Variants in TGM4 observed in about 807,000 individuals in gnomAD.
TGM4 encodes transglutaminase 4, also known as protein-glutamine gamma-glutamyltransferase 4.
TGM4 carries 61 observed loss-of-function variants against 76.3 expected under a neutral mutation model. The observed-to-expected ratio is 0.80, with a 90% CI of 0.65 to 0.99. TGM4 has a LOEUF of 0.99. TGM4 is among the 50% of genes least tolerant of loss of function. The pLI, the probability that TGM4 is intolerant of heterozygous loss-of-function variation, is 0.00. For synonymous variants in TGM4, 337 were observed against 329.8 expected (o/e 1.02, Z -0.24); for missense variants, 794 against 843.2 (o/e 0.94, Z 0.72).
intron 10 of TGM4, 145 bp from the exon 11 acceptor site, chr3:44,909,945 C>T (rs1699976957): frequency 1.2e-6 from 1 of 821,832 alleles, no homozygotes; most frequent in South Asian, 1.8e-5. Context: ...TTGAATGATC[C>T]TCTGTGTGAA....
At chr3:44,899,399 G>A (rs1303078853) in intron 6 of TGM4, 2 of 152,220 alleles carry the variant, frequency 1.3e-5, no homozygotes, top group Non-Finnish European at 2.9e-5. Context: ...GAACTCCAAG[G>A]TGTTCCAGGA....
chr3:44,903,930 C>T lies in TGM4; in HGVS notation c.1018C>T (p.Pro340Ser), dbSNP rs753905602. Residue 340 changes from proline (P) to serine (S), a missense_variant, in exon 9 of 14, where the codon CCC (proline) becomes TCC (serine). Physicochemically the swap from Pro to Ser is moderately conservative, Grantham distance 74. Coordinates refer to ENST00000296125, the MANE Select transcript of TGM4 (RefSeq NM_003241.4). ...TDAWMKRPDL[P>S]KGYDGWQAVD... ...TGCCTGGATGAAGCGACCGGATCTGCCCAAGGGCTACGACGGCTGGCAGGC... is the reference window on the plus strand; with the variant it reads ...TGCCTGGATGAAGCGACCGGATCTGTCCAAGGGCTACGACGGCTGGCAGGC... 6.2e-6 allele frequency: 10 copies of T among 1,614,186 alleles called. No homozygotes were observed. The South Asian group carries it at 9.9e-5, about 16-fold the overall frequency.
At chr3:44,894,631 G>T (rs989343031) in intron 5 of TGM4, among the ~76,000 whole-genome samples, 3 of 151,236 alleles carry the variant, frequency 2.0e-5, no homozygotes, top group Admixed American at 1.3e-4. Flanking sequence ...CCAGACACCA[G>T]ATGCTTCCCA....
chr3:44,903,712 T>G (rs1575724818), intron 8 of TGM4, 172 bp from the exon 9 acceptor site: 16 of 637,602 alleles, frequency 2.5e-5, no homozygotes, highest in Non-Finnish European at 5.7e-6. Flanking sequence ...GAGAGGCAGG[T>G]GGGACTCACC....
intron 9 of TGM4, among the ~76,000 whole-genome samples, chr3:44,904,627 A>T (rs1328233368): frequency 6.6e-6 from 1 of 152,254 alleles, no homozygotes; most frequent in Non-Finnish European, 1.5e-5. Context: ...CTAAAGACAA[A>T]GTCAGCCCAG....
rs376442189 is a variant in TGM4 at position 44,901,548 on chromosome 3, G to C, written c.682G>C (p.Val228Leu). 1 of 1,612,230 alleles carries C rather than the reference G, an allele frequency of 6.2e-7. No homozygotes were observed. Among genetic ancestry groups the C allele is most frequent in the African/African-American group, 1.3e-5 (1 of 74,908 alleles). ...AMMSFEKGQG[V>L]LIGNWTGDYE... is the part of the protein sequence containing the mutation. ...GATGAGCTTTGAGAAAGGCCAGGGC[G>C]TGCTCATTGGGAATTGGACTGGGGA... The change falls in exon 7 of 14, where the codon GTG becomes CTG. Residue 228 changes from valine (V) to leucine (L), a missense_variant. Transcript: ENST00000296125.
intron 5 of TGM4, among the ~76,000 whole-genome samples, chr3:44,896,363 G>A (rs924915951): frequency 4.6e-5 from 7 of 152,136 alleles, no homozygotes; most frequent in African/African-American, 7.2e-5. Context: ...CACCTGCCTC[G>A]GCCTCCCAAA....
At chr3:44,887,347 C>CT (rs1275961857) in intron 2 of TGM4, among the ~76,000 whole-genome samples, 1 of 152,188 alleles carries the variant, frequency 6.6e-6, no homozygotes, top group Non-Finnish European at 1.5e-5. Context: ...AGTGAACAAG[C>CT]ATGTTGGTCT....
chr3:44,885,838 G>A (rs926050352), intron 2 of TGM4, among the ~76,000 whole-genome samples: 1 of 152,144 alleles, frequency 6.6e-6, no homozygotes, highest in African/African-American at 2.4e-5. Flanking sequence ...GCCATAGCGG[G>A]GTGGGCTGGA....
intron 1 of TGM4, among the ~76,000 whole-genome samples, chr3:44,876,842 C>T (rs1454675500): frequency 6.6e-6 from 1 of 152,132 alleles, no homozygotes; most frequent in Non-Finnish European, 1.5e-5. Context: ...GAAGCAAATG[C>T]TGTTCTGTAG....
At chr3:44,875,648 CTG>C (rs1699441718) in intron 1 of TGM4, among the ~76,000 whole-genome samples, 1 of 152,194 alleles carries the variant, frequency 6.6e-6, no homozygotes, top group Non-Finnish European at 1.5e-5. Context: ...CACAAGCCCT[CTG>C]TAACCTCCCA....
chr3:44,874,667 G>T lies in TGM4; in HGVS notation c.-12G>T, dbSNP rs1699425568. The T allele has an allele frequency of 6.2e-7, 1 of 1,614,090 alleles. No homozygotes were observed. The stretch of plus-strand genomic sequence containing the variant: ...GAGTCTTCCCTGGCATTGCAGGAGA[G>T]AATCTGAAGGGATGATGGATGCATC... On this transcript the variant is annotated 5_prime_UTR_variant, in exon 1 of 14. Coordinates refer to ENST00000296125, the MANE Select transcript of TGM4 (RefSeq NM_003241.4).
chr3:44,890,620 C>T lies in TGM4; in HGVS notation c.318C>T (p.Thr106=), dbSNP rs374723520. 5.6e-6 allele frequency: 9 copies of T among 1,614,018 alleles called. No individual in the cohort carries two copies. The African/African-American group carries it at 1.2e-4, about 22-fold the overall frequency. The part of the protein sequence containing the change: ...ESGKEVTVAV[T]SSPNAILGKY... ...TTGCTCAGGTCACAGTGGCTGTCAC[C>T]AGTTCCCCCAATGCCATCCTGGGCA... The change falls in exon 4 of 14, where the codon ACC becomes ACT. Residue 106 remains threonine (T), a synonymous_variant. Transcript: ENST00000296125.
chr3:44,909,009 A>G (rs1420601110), intron 10 of TGM4, among the ~76,000 whole-genome samples: 4 of 152,182 alleles, frequency 2.6e-5, no homozygotes, highest in Admixed American at 2.6e-4. Flanking sequence ...TTGTTTAACA[A>G]CTTCTCTGAT....
At chr3:44,900,761 T>C (rs1297688470) in intron 6 of TGM4, 1 of 152,218 alleles carries the variant, frequency 6.6e-6, no homozygotes, top group African/African-American at 2.4e-5. Context: ...CAACCTTCTT[T>C]AGAGATTCCA....
At chr3:44,901,477 G>A (rs753151731) in intron 6 of TGM4, 47 bp from the exon 7 acceptor site, 10 of 1,547,480 alleles carry the variant, frequency 6.5e-6, no homozygotes, top group Non-Finnish European at 7.9e-6. Context: ...GCAGCACCTT[G>A]TTCTTCTGAG....
chr3:44,893,740 G>A lies in TGM4; in HGVS notation c.549+45G>A, dbSNP rs201314634. 3.5e-5 allele frequency: 53 copies of A among 1,533,168 alleles called. No homozygotes were observed. In the East Asian group the frequency reaches 1.2e-3, roughly 34 times the overall value. The allele number at this position is 1,533,168 out of a possible 1,614,324, so 95.0% of individuals were successfully genotyped here. A position where few individuals can be genotyped will look rare whatever the true frequency, so the allele number is the denominator to read the frequency against. On this transcript the variant is annotated intron_variant, in intron 5 of 13. Coordinates refer to ENST00000296125, the MANE Select transcript of TGM4 (RefSeq NM_003241.4). ...TGGCTGCACCAGGCCCCATCTGCTA[G>A]ACCACCCTTTTAGCTGGGTAGTAGT...
chr3:44,913,677 A>G lies in TGM4; in HGVS notation c.2007A>G (p.Lys669=), dbSNP rs751340153. ...PKKFIVKLSS[K]QVKEINAQKI... is the part of the protein sequence containing the mutation. ...AATTTATCGTCAAGTTAAGTTCCAA[A>G]CAAGTGAAAGAGATTAATGCTCAGA... Residue 669 remains lysine (K), a synonymous_variant, in exon 14 of 14, where the codon AAA becomes AAG. Transcript: ENST00000296125. The G allele has an allele frequency of 1.2e-6, 2 of 1,614,128 alleles. No individual in the cohort carries two copies. The highest frequency in any genetic ancestry group is 1.7e-6 in the Non-Finnish European group (2 of 1,180,050).
intron 13 of TGM4, 93 bp downstream of exon 13, chr3:44,911,499 G>C: frequency 7.0e-7 from 1 of 1,427,968 alleles, no homozygotes; most frequent in Non-Finnish European, 9.5e-7. Flanking sequence ...CCCAGTATGG[G>C]GTCACAGGGT....
Sources: allele counts gnomAD v4.1 joint callset (sites outside exome capture counted in the v4.1 genomes callset), GRCh38; gene constraint gnomAD v4.1.1; transcripts MANE v1.5; gene names NCBI Gene and HGNC (gene_info 2026-07-23, HGNC 2026-07-21).